Variants in SLC2A9 observed in about 807,000 individuals in gnomAD.
SLC2A9 encodes solute carrier family 2 member 9, also known as solute carrier family 2, facilitated glucose transporter member 9.
In SLC2A9, 39 loss-of-function variants were observed where a neutral mutation model predicts 50.6. The observed-to-expected ratio is 0.77, with a 90% CI of 0.60 to 1.01. The LOEUF (loss-of-function observed/expected upper bound fraction) is 1.01, where lower values mean the gene tolerates loss of function less well. Ranked by LOEUF, SLC2A9 falls within the 50% of genes least tolerant of loss-of-function variation. The pLI, the probability that SLC2A9 is intolerant of heterozygous loss-of-function variation, is 0.00. For synonymous variants in SLC2A9, 324 were observed against 276.9 expected (o/e 1.17, Z -1.69); for missense variants, 686 against 677.6 (o/e 1.01, Z -0.14).
rs778115802 is a variant in SLC2A9, at chr4:9,941,907, C to T, written c.814+6G>A. On this transcript the variant is annotated splice_donor_region_variant and intron_variant, in intron 6 of 11. Coordinates refer to ENST00000264784, the MANE Select transcript of SLC2A9 (RefSeq NM_020041.3). ...GGAGCTGTGCAGGAAAGGGAAGGGCCCTCACCTTTCACAGCTCTTGCCTCG... is the reference window on the plus strand; with the variant it reads ...GGAGCTGTGCAGGAAAGGGAAGGGCTCTCACCTTTCACAGCTCTTGCCTCG... 1.9e-6 allele frequency: 3 copies of T among 1,614,048 alleles called. No individual in the cohort carries two copies. The East Asian group carries it at 6.7e-5, about 36-fold the overall frequency.
chr4:9,828,870 T>A (rs557428442), intron 11 of SLC2A9, among the ~76,000 whole-genome samples: 1 of 152,336 alleles, frequency 6.6e-6, no homozygotes, highest in African/African-American at 2.4e-5. Flanking sequence ...AGTCATCATT[T>A]TTCTTGTATT....
intron 3 of SLC2A9, among the ~76,000 whole-genome samples, chr4:9,815,401 G>A (rs1310835906): frequency 6.6e-6 from 1 of 152,190 alleles, no homozygotes; most frequent in African/African-American, 2.4e-5. Context: ...TCATGAGTAA[G>A]GGAAACCCAA....
intron 5 of SLC2A9, among the ~76,000 whole-genome samples, chr4:9,975,655 GA>G (rs201820554): frequency 0.035 from 5,343 of 152,232 alleles, 320 homozygotes; most frequent in African/African-American, 0.12. Flanking sequence ...CTGTTGGTGG[GA>G]ATGTAAATTA....
At chr4:9,940,186 G>A (rs898200461) in intron 6 of SLC2A9, among the ~76,000 whole-genome samples, 8 of 152,198 alleles carry the variant, frequency 5.3e-5, no homozygotes, top group Non-Finnish European at 5.9e-5. Flanking sequence ...ATAATGCACA[G>A]CCCAGGTGCA....
At chr4:9,773,953 A>T (rs1488743860) in intron 1 of SLC2A9, among the ~76,000 whole-genome samples, 3 of 151,834 alleles carry the variant, frequency 2.0e-5, no homozygotes. Context: ...ATTGATACAC[A>T]GAACACTCTC....
chr4:9,956,872 A>G (rs1289516667), intron 5 of SLC2A9, among the ~76,000 whole-genome samples: 2 of 152,208 alleles, frequency 1.3e-5, no homozygotes, highest in East Asian at 3.8e-4. Context: ...CCACAAGGAC[A>G]TGGGAATGCA....
chr4:9,883,690 A>G (rs1735642596), intron 10 of SLC2A9, among the ~76,000 whole-genome samples: 1 of 152,220 alleles, frequency 6.6e-6, no homozygotes, highest in Non-Finnish European at 1.5e-5. Context: ...GGTTTAACCA[A>G]TCACTTTAAG....
chr4:9,847,382 G>C (rs1167417125), intron 10 of SLC2A9, among the ~76,000 whole-genome samples: 1 of 152,206 alleles, frequency 6.6e-6, no homozygotes, highest in African/African-American at 2.4e-5. Context: ...CATGAGAACA[G>C]CATAAAAGAA....
At chr4:9,861,235 AAGG>A (rs1453192736) in intron 10 of SLC2A9, among the ~76,000 whole-genome samples, 1 of 152,130 alleles carries the variant, frequency 6.6e-6, no homozygotes, top group Admixed American at 6.5e-5. Context: ...GTGGAAGGCA[AAGG>A]AGAAGTGAGG....
At chr4:9,877,392 C>T (rs1363787095) in intron 10 of SLC2A9, among the ~76,000 whole-genome samples, 1 of 152,212 alleles carries the variant, frequency 6.6e-6, no homozygotes, top group African/African-American at 2.4e-5. Context: ...GCCTGCCCCC[C>T]TGGCAGGAGA....
At chr4:9,892,332 T>C (rs1038021751) in intron 8 of SLC2A9, among the ~76,000 whole-genome samples, 11 of 151,544 alleles carry the variant, frequency 7.3e-5, no homozygotes, top group Middle Eastern at 3.4e-3. Flanking sequence ...GGGAGGAAAA[T>C]GTGCCTGGCT....
chr4:10,039,847 G>C (rs1412157577), intron 1 of SLC2A9, among the ~76,000 whole-genome samples: 1 of 152,160 alleles, frequency 6.6e-6, no homozygotes, highest in Non-Finnish European at 1.5e-5. Context: ...CTCAGTTCTA[G>C]ATTAAGCCTT....
intron 10 of SLC2A9, chr4:9,879,533 G>A (rs939582930): frequency 1.1e-5 from 11 of 985,162 alleles, no homozygotes; most frequent in African/African-American, 5.2e-5. Flanking sequence ...ATGCTGATAC[G>A]CCCCTGCAGT....
In SLC2A9 at chr4:9,829,405, TAGA is replaced by T. The variant is rs1285565152; in HGVS notation, c.1420-2808_1420-2806del. ...GTAAAACCCAAAACTATAAAAACCCTAGAAGAAAATCTAGGCAATACCATTCGG... is the reference window on the plus strand; with the variant it reads ...GTAAAACCCAAAACTATAAAAACCCTAGAAAATCTAGGCAATACCATTCGG... On this transcript the variant is annotated intron_variant, in intron 11 of 11. Coordinates refer to ENST00000264784, the MANE Select transcript of SLC2A9 (RefSeq NM_020041.3). Among the ~76,000 whole-genome samples, 5 of 142,564 alleles carry T rather than the reference TAGA, an allele frequency of 3.5e-5. No homozygotes were observed. The East Asian group carries it at 1.0e-3, about 29-fold the overall frequency. 93.5% of individuals were successfully genotyped at this position (142,564 alleles called of 152,430 possible). A position where few individuals can be genotyped will look rare whatever the true frequency, so the allele number is the denominator to read the frequency against.
chr4:9,786,420 A>G (rs992049177), intron 3 of SLC2A9, among the ~76,000 whole-genome samples: 6 of 152,220 alleles, frequency 3.9e-5, no homozygotes, highest in African/African-American at 1.4e-4. Flanking sequence ...CAGCAAATGC[A>G]CTAGTGCACA....
At chr4:9,782,574 G>T in intron 3 of SLC2A9, 1 of 1,613,956 alleles carries the variant, frequency 6.2e-7, no homozygotes. Context: ...AACTGGCACA[G>T]GGACCAGGCG....
chr4:10,012,682 C>T (rs960341038), intron 2 of SLC2A9, among the ~76,000 whole-genome samples: 3 of 152,050 alleles, frequency 2.0e-5, no homozygotes, highest in African/African-American at 7.2e-5. Flanking sequence ...GGAGAGTGCA[C>T]AGGAAAATCA....
chr4:9,938,550 C>T (rs936213535), intron 6 of SLC2A9, among the ~76,000 whole-genome samples: 2 of 152,094 alleles, frequency 1.3e-5, no homozygotes, highest in Non-Finnish European at 1.5e-5. Flanking sequence ...GGATTACAGG[C>T]GTGAGCCACT....
downstream of SLC2A9, among the ~76,000 whole-genome samples, chr4:9,797,707 C>T (rs1720754069): frequency 6.6e-6 from 1 of 152,218 alleles, no homozygotes; most frequent in Non-Finnish European, 1.5e-5. Context: ...CTCCTGAAAA[C>T]TTCTCTGATT....
Sources: allele counts gnomAD v4.1 joint callset (sites outside exome capture counted in the v4.1 genomes callset), GRCh38; gene constraint gnomAD v4.1.1; transcripts MANE v1.5; gene names NCBI Gene and HGNC (gene_info 2026-07-23, HGNC 2026-07-21).